Variants in PKP2 observed in about 807,000 individuals in gnomAD.
The protein encoded by PKP2 is plakophilin 2.
PKP2 carries 73 observed loss-of-function variants against 83.4 expected under a neutral mutation model. That is an observed-to-expected ratio of 0.88 (90% CI 0.72 to 1.06). The LOEUF (loss-of-function observed/expected upper bound fraction) is 1.06, where lower values mean the gene tolerates loss of function less well. Among genes scored for constraint, PKP2 ranks in the 50% least tolerant of loss-of-function variants. The pLI is 0.00. For missense variants in PKP2, 966 were observed against 1,065.4 expected (o/e 0.91, Z 1.30); for synonymous variants, 409 against 430.4 (o/e 0.95, Z 0.62).
rs200009796 is a variant in PKP2, at chr12:32,824,169, G to GA, written c.1557-8dup. ...GCCAGCAGAACTCATGTTTCTATCA[G>GA]AAAAAACAAAAAACAAAAAAGTAAG... On this transcript the variant is annotated splice_region_variant and splice_polypyrimidine_tract_variant and intron_variant, in intron 6 of 12. Transcript: ENST00000340811. 3.7e-3 allele frequency: 5,946 copies of GA among 1,598,084 alleles called. 21 individuals are homozygous for GA. Among genetic ancestry groups the GA allele is most frequent in the Non-Finnish European group, 3.5e-3 (4,124 of 1,167,546 alleles).
intron 3 of PKP2, among the ~76,000 whole-genome samples, chr12:32,877,272 G>A (rs1956940478): frequency 1.3e-5 from 2 of 152,142 alleles, no homozygotes; most frequent in African/African-American, 4.8e-5. Flanking sequence ...AATAGGAATG[G>A]AAAGGAATGA....
At chr12:32,846,051 T>TA in intron 5 of PKP2, among the ~76,000 whole-genome samples, 1 of 152,292 alleles carries the variant, frequency 6.6e-6, no homozygotes, top group East Asian at 1.9e-4. Context: ...TCCAATTAAG[T>TA]ACTTCTATAA....
rs1956062361 is a variant in PKP2 at position 32,791,198 on chromosome 12, T to C, written c.*1226A>G. On this transcript the variant is annotated 3_prime_UTR_variant, in exon 13 of 13. Coordinates refer to ENST00000340811, the MANE Select transcript of PKP2 (RefSeq NM_001005242.3). ...ATAGCGCAGTTAAAACAACATTTAA[T>C]GTAGATTCATTTCGCTGGATGATGT... 6.8e-6 allele frequency: 1 copy of C among 146,358 alleles called. No individual in the cohort carries two copies. The allele number at this position is 146,358 out of a possible 1,614,324, so 9.1% of individuals were successfully genotyped here.
chr12:32,892,667 A>G (rs902923979), intron 1 of PKP2, among the ~76,000 whole-genome samples: 3 of 152,072 alleles, frequency 2.0e-5, no homozygotes, highest in Non-Finnish European at 2.9e-5. Flanking sequence ...CAAGGAAATC[A>G]CCTAAGATAA....
rs794729116 is a variant in PKP2, at chr12:32,802,402, C to T, written c.2167+1G>A. On this transcript the variant is annotated splice_donor_variant, in intron 10 of 12. Coordinates refer to ENST00000340811, the MANE Select transcript of PKP2 (RefSeq NM_001005242.3). LOFTEE classifies it high-confidence loss of function. ...ACACATAGATACTTATACCGACTCA[C>T]CAATTTCATTCTGCAGAGAAAGATT... 3.7e-6 allele frequency: 6 copies of T among 1,613,934 alleles called. No homozygotes were observed. The highest frequency in any genetic ancestry group is 5.1e-6 in the Non-Finnish European group (6 of 1,179,894).
chr12:32,840,958 T>C (rs959622383), intron 6 of PKP2, 70 bp downstream of exon 6: 10 of 1,116,084 alleles, frequency 9.0e-6, no homozygotes, highest in Admixed American at 1.7e-5. Flanking sequence ...GCAGAATATA[T>C]CCTGACTTCC....
rs886049317 is a variant in PKP2 at position 32,792,197 on chromosome 12, A to C, written c.*227T>G. On this transcript the variant is annotated 3_prime_UTR_variant, in exon 13 of 13. Transcript: ENST00000340811. ...TGTACCATAAGCCCTAATAACAAAG[A>C]CCACTATTTGTCGAGCCTGTGGCCG... The C allele has an allele frequency of 3.5e-6, 2 of 577,954 alleles. No homozygotes were observed. Among genetic ancestry groups the C allele is most frequent in the Non-Finnish European group, 6.2e-6 (2 of 323,550 alleles). 35.8% of individuals were successfully genotyped at this position (577,954 alleles called of 1,614,324 possible). A position where few individuals can be genotyped will look rare whatever the true frequency, so the allele number is the denominator to read the frequency against.
In PKP2 at chr12:32,819,308, CAATACAATAA is replaced by C. The variant is rs1380220877; in HGVS notation, c.2013+2038_2013+2047del. Reference sequence around the variant, plus strand: ...AAATACAATACAATACAATACAATACAATACAATAAAATAAAATAAAATAAAATAAAATAA... The same window carrying C: ...AAATACAATACAATACAATACAATACAATAAAATAAAATAAAATAAAATAA... On this transcript the variant is annotated intron_variant, in intron 9 of 12. Transcript: ENST00000340811. Among the ~76,000 whole-genome samples the C allele has an allele frequency of 3.9e-4, 27 of 69,454 alleles. No homozygotes were observed. In the South Asian group the frequency reaches 8.9e-3, roughly 23 times the overall value. The allele number at this position is 69,454 out of a possible 152,430, so 45.6% of individuals were successfully genotyped here. A position where few individuals can be genotyped will look rare whatever the true frequency, so the allele number is the denominator to read the frequency against.
chr12:32,874,016 G>A (rs1040365675), intron 3 of PKP2, among the ~76,000 whole-genome samples: 2 of 152,050 alleles, frequency 1.3e-5, no homozygotes, highest in African/African-American at 2.4e-5. Flanking sequence ...TCATCAGTTT[G>A]TCTCTCTCAC....
chr12:32,845,318 G>C, intron 5 of PKP2, among the ~76,000 whole-genome samples: 1 of 152,244 alleles, frequency 6.6e-6, no homozygotes, highest in South Asian at 2.1e-4. Context: ...CTGGGAGGCC[G>C]AGGGGGGCGG....
At chr12:32,837,728 A>G (rs747809675) in intron 6 of PKP2, among the ~76,000 whole-genome samples, 1 of 152,196 alleles carries the variant, frequency 6.6e-6, no homozygotes, top group Non-Finnish European at 1.5e-5. Flanking sequence ...CAACCAACCA[A>G]TGTATAGCTT....
chr12:32,831,557 A>G (rs944547056), intron 6 of PKP2, among the ~76,000 whole-genome samples: 3 of 152,096 alleles, frequency 2.0e-5, no homozygotes, highest in African/African-American at 7.2e-5. Flanking sequence ...AAGAAAGCCC[A>G]GCAAAAAGAG....
chr12:32,858,380 G>A (rs1424250824), intron 4 of PKP2, among the ~76,000 whole-genome samples: 4 of 151,544 alleles, frequency 2.6e-5, no homozygotes, highest in African/African-American at 4.8e-5. Flanking sequence ...AGCTATTAAA[G>A]GATCAATATT....
At chr12:32,885,068 T>C (rs931772982) in intron 1 of PKP2, among the ~76,000 whole-genome samples, 1 of 152,206 alleles carries the variant, frequency 6.6e-6, no homozygotes, top group Non-Finnish European at 1.5e-5. Context: ...AAGTAGGTAG[T>C]TGCAGAGCAA....
Position 32,795,644 on chromosome 12 carries a change from G to C in PKP2, c.2357+465C>G, listed in dbSNP as rs535386354. Among the ~76,000 whole-genome samples the C allele has an allele frequency of 2.0e-5, 3 of 152,224 alleles. No individual in the cohort carries two copies. In the East Asian group the frequency reaches 5.8e-4, roughly 29 times the overall value. On this transcript the variant is annotated intron_variant, in intron 11 of 12. Transcript: ENST00000340811. ...GATCCATCTGCTTGGGCCTCCCAAA[G>C]TGCTGGGATTACAGGCATGAGCCAC...
chr12:32,891,871 G>GT (rs975796586), intron 1 of PKP2, among the ~76,000 whole-genome samples: 41 of 152,112 alleles, frequency 2.7e-4, no homozygotes, highest in African/African-American at 9.6e-4. Context: ...GGGGTGTGAA[G>GT]TTTTTTTTGT....
At chr12:32,850,230 G>A (rs1034987603) in intron 5 of PKP2, among the ~76,000 whole-genome samples, 3 of 152,126 alleles carry the variant, frequency 2.0e-5, no homozygotes, top group East Asian at 3.8e-4. Flanking sequence ...AGCAAAAGCC[G>A]CAGAACATTT....
At chr12:32,797,974 T>C (rs1252539996) in intron 10 of PKP2, among the ~76,000 whole-genome samples, 1 of 152,082 alleles carries the variant, frequency 6.6e-6, no homozygotes, top group South Asian at 2.1e-4. Flanking sequence ...CTGGAAAATA[T>C]AATGAGACCC....
intron 9 of PKP2, among the ~76,000 whole-genome samples, chr12:32,806,635 T>C: frequency 6.6e-6 from 1 of 151,826 alleles, no homozygotes; most frequent in East Asian, 2.0e-4. Flanking sequence ...GATCATCTTA[T>C]TAATTTTTTT....
Sources: allele counts gnomAD v4.1 joint callset (sites outside exome capture counted in the v4.1 genomes callset), GRCh38; gene constraint gnomAD v4.1.1; transcripts MANE v1.5; gene names NCBI Gene and HGNC (gene_info 2026-07-23, HGNC 2026-07-21).